The following FCHO2 variants were observed in gnomAD, a reference collection of about 807,000 sequenced individuals.
The protein encoded by FCHO2 is FCH and mu domain containing endocytic adaptor 2, also known as F-BAR domain only protein 2.
In FCHO2, 43 loss-of-function variants were observed where a neutral mutation model predicts 114.1. That is an observed-to-expected ratio of 0.38 (90% confidence interval 0.30 to 0.49). FCHO2 has a LOEUF of 0.49. Ranked by LOEUF, FCHO2 falls within the 20% of genes least tolerant of loss-of-function variation. The pLI, the probability that FCHO2 is intolerant of heterozygous loss-of-function variation, is 0.97. For synonymous variants in FCHO2, 293 were observed against 315.2 expected, an observed-to-expected ratio of 0.93 and a Z score of 0.75; for missense variants, 807 against 950.4, an observed-to-expected ratio of 0.85 and a Z score of 1.98.
intron 2 of FCHO2, among the ~76,000 whole-genome samples, chr5:72,972,510 G>A (rs1209571928): frequency 5.3e-5 from 8 of 152,110 alleles, no homozygotes; most frequent in South Asian, 2.1e-4. Flanking sequence ...TTTGTCTGTT[G>A]TTGGTGTATA....
intron 2 of FCHO2, among the ~76,000 whole-genome samples, chr5:72,972,132 T>C (rs1003271047): frequency 1.0e-3 from 159 of 152,080 alleles, no homozygotes; most frequent in African/African-American, 2.4e-3. Flanking sequence ...AGTCAGGTAG[T>C]GTGATGCCTC....
chr5:73,015,028 A>G lies in FCHO2; in HGVS notation c.601-598A>G, dbSNP rs1263982409. Among the ~76,000 whole-genome samples the G allele has an allele frequency of 3.7e-5, 5 of 135,482 alleles. No individual in the cohort carries two copies. The Admixed American group carries it at 3.9e-4, about 11-fold the overall frequency. The allele number at this position is 135,482 out of a possible 152,430, so 88.9% of individuals were successfully genotyped here. On this transcript the variant is annotated intron_variant, in intron 6 of 25. Transcript: ENST00000430046. ...GAGGCGGAGCTTCCAGTGAGCCAAG[A>G]TGGTGCCACTGCACTCCAGCCTGGG...
intron 11 of FCHO2, among the ~76,000 whole-genome samples, chr5:73,048,122 A>G (rs1293037865): frequency 1.3e-5 from 2 of 152,158 alleles, no homozygotes; most frequent in East Asian, 3.8e-4. Flanking sequence ...GGTTACAGTC[A>G]TGAGCTACCA....
chr5:73,021,895 G>A lies in FCHO2; in HGVS notation c.796+4587G>A, dbSNP rs77680475. Among the ~76,000 whole-genome samples the A allele has an allele frequency of 8.4e-3, 1,278 of 152,256 alleles. 54 individuals carry two copies. In the East Asian group the frequency reaches 0.13, roughly 16 times the overall value. The stretch of plus-strand genomic sequence containing the variant: ...TTAATGTTTAGTGAGCTCTTACTGT[G>A]TGCCATGTACCATGCCAACCACTTT... On this transcript the variant is annotated intron_variant, in intron 8 of 25. Coordinates refer to ENST00000430046, the MANE Select transcript of FCHO2 (RefSeq NM_138782.3).
At chr5:73,014,213 G>C (rs948918916) in intron 6 of FCHO2, among the ~76,000 whole-genome samples, 1 of 151,790 alleles carries the variant, frequency 6.6e-6, no homozygotes, top group Non-Finnish European at 1.5e-5. Flanking sequence ...GAGTATATAG[G>C]CTTTCCCAGA....
intron 7 of FCHO2, 134 bp from the exon 8 acceptor site, chr5:73,017,078 T>TA: frequency 5.6e-6 from 3 of 539,378 alleles, no homozygotes; most frequent in Non-Finnish European, 9.6e-6. Context: ...TTAGGTAAAT[T>TA]AAAGTCCTCA....
chr5:72,990,611 C>T lies in FCHO2; in HGVS notation c.334C>T (p.His112Tyr), dbSNP rs1316945564. 19 of 1,530,610 alleles carry T rather than the reference C, an allele frequency of 1.2e-5. No homozygotes were observed. The highest frequency in any genetic ancestry group is 1.6e-5 in the Non-Finnish European group (18 of 1,143,880). 94.8% of individuals were successfully genotyped at this position (1,530,610 alleles called of 1,614,324 possible). A position where few individuals can be genotyped will look rare whatever the true frequency, so the allele number is the denominator to read the frequency against. The change falls in exon 4 of 26, where the codon CAT (histidine) becomes TAT (tyrosine). Residue 112 changes from histidine (H) to tyrosine (Y), a missense_variant. By Grantham distance (83) the His-to-Tyr change is moderately conservative. Transcript: ENST00000430046. ...QKYGEEQVKS[H>Y]KKTKEEVAGT... ...GTATGGAGAAGAACAAGTAAAGTCTCATAAAAAGGTATCAGTTTTTTTCTT... is the reference window on the plus strand; with the variant it reads ...GTATGGAGAAGAACAAGTAAAGTCTTATAAAAAGGTATCAGTTTTTTTCTT...
At chr5:73,075,197 G>C (rs752801544) in intron 20 of FCHO2, among the ~76,000 whole-genome samples, 1 of 152,102 alleles carries the variant, frequency 6.6e-6, no homozygotes, top group African/African-American at 2.4e-5. Context: ...ATTGATACAC[G>C]CTATGAAGAA....
At position 73,022,551 on chromosome 5, in the gene FCHO2, C is replaced by T. The variant is rs996029577; in HGVS notation, c.796+5243C>T. Among the ~76,000 whole-genome samples the T allele has an allele frequency of 5.9e-5, 9 of 152,264 alleles. No individual in the cohort carries two copies. In the East Asian group the frequency reaches 1.2e-3, roughly 20 times the overall value. On this transcript the variant is annotated intron_variant, in intron 8 of 25. Transcript: ENST00000430046. ...GTGCTGCCTTATTCATGGCAGATAC[C>T]GTTGCTAGATCATTGCATTCGTCCC...
chr5:72,975,850 G>A (rs1752837901), intron 2 of FCHO2, among the ~76,000 whole-genome samples: 1 of 152,224 alleles, frequency 6.6e-6, no homozygotes, highest in African/African-American at 2.4e-5. Context: ...TTGTCTGGAT[G>A]TACTACATTT....
intron 11 of FCHO2, among the ~76,000 whole-genome samples, chr5:73,049,846 G>A (rs1236542489): frequency 2.0e-5 from 3 of 152,046 alleles, no homozygotes; most frequent in East Asian, 1.9e-4. Context: ...GTGTGTGTGT[G>A]TCTGTGTGTA....
chr5:73,013,261 AT>A (rs796410586), intron 6 of FCHO2, among the ~76,000 whole-genome samples: 262 of 144,252 alleles, frequency 1.8e-3, no homozygotes, highest in African/African-American at 2.4e-3. Flanking sequence ...ACCATTCTGG[AT>A]TTTTTTTTTT....
chr5:72,968,176 G>A (rs750624886), intron 1 of FCHO2, among the ~76,000 whole-genome samples: 2 of 150,422 alleles, frequency 1.3e-5, no homozygotes, highest in African/African-American at 4.9e-5. Flanking sequence ...CGCCCACCTC[G>A]GCCTCCCAAA....
chr5:73,066,581 T>C (rs1742342276), intron 18 of FCHO2, among the ~76,000 whole-genome samples: 1 of 148,348 alleles, frequency 6.7e-6, no homozygotes, highest in Non-Finnish European at 1.5e-5. Flanking sequence ...TTTTCTTTTT[T>C]TTTTTTTTTT....
At position 73,030,304 on chromosome 5, in the gene FCHO2, A is replaced by G. The variant is rs185295721; in HGVS notation, c.797-4353A>G. Among the ~76,000 whole-genome samples the G allele has an allele frequency of 6.6e-3, 1,006 of 152,208 alleles. 11 individuals carry two copies. The highest frequency in any genetic ancestry group is 0.023 in the African/African-American group (966 of 41,522). ...TGATCTGCCTGCCTCGGCCTTTCAC[A>G]GTGCTGGGATTACAGGCATGAGCCA... is the stretch of plus-strand genomic sequence containing the variant. On this transcript the variant is annotated intron_variant, in intron 8 of 25. Transcript: ENST00000430046.
Position 73,043,880 on chromosome 5 carries a change from G to A in FCHO2, c.939+2565G>A, listed in dbSNP as rs147876478. ...TTTTTACTTATTTTATTTTGAGATGGGGTCTTGCTCTGTGGCTGATGTGAC... is the reference window on the plus strand; with the variant it reads ...TTTTTACTTATTTTATTTTGAGATGAGGTCTTGCTCTGTGGCTGATGTGAC... On this transcript the variant is annotated intron_variant, in intron 11 of 25. Coordinates refer to ENST00000430046, the MANE Select transcript of FCHO2 (RefSeq NM_138782.3). 3.3e-5 allele frequency among the ~76,000 whole-genome samples: 5 copies of A among 152,244 alleles called. No homozygotes were observed. In the South Asian group the frequency reaches 6.2e-4, roughly 19 times the overall value.
At chr5:72,998,932 A>T (rs1032420683) in intron 5 of FCHO2, among the ~76,000 whole-genome samples, 16 of 151,088 alleles carry the variant, frequency 1.1e-4, no homozygotes, top group Non-Finnish European at 2.2e-4. Flanking sequence ...GGTGCAAGCG[A>T]TCACCTCACT....
chr5:73,063,918 G>A lies in FCHO2; in HGVS notation c.1423G>A (p.Gly475Ser). ...TGCTTCCAGACCAAAGCTTACTTCA[G>A]GCAAACTCAGTGGGATTAATGAAAT... ...RPASRPKLTS[G>S]KLSGINEIPR... Residue 475 changes from glycine (G) to serine (S), a missense_variant, in exon 18 of 26, where the codon GGC becomes AGC. Gly to Ser is a moderately conservative substitution (Grantham distance 56). Coordinates refer to ENST00000430046, the MANE Select transcript of FCHO2 (RefSeq NM_138782.3). The A allele has an allele frequency of 6.2e-7, 1 of 1,611,124 alleles. No homozygotes were observed. The highest frequency in any genetic ancestry group is 8.5e-7 in the Non-Finnish European group (1 of 1,178,502).
At chr5:73,010,733 C>G (rs1194171057) in intron 6 of FCHO2, among the ~76,000 whole-genome samples, 5 of 151,698 alleles carry the variant, frequency 3.3e-5, no homozygotes, top group Non-Finnish European at 7.4e-5. Flanking sequence ...AAAACTTAGC[C>G]AGGTGTGGTG....
Sources: gnomAD v4.1 joint callset for allele counts (sites outside exome capture counted in the v4.1 genomes callset) on GRCh38, gnomAD v4.1.1 for gene constraint, MANE v1.5 for transcripts, NCBI Gene and HGNC (gene_info 2026-07-23, HGNC 2026-07-21) for gene names.